Variants in ZNF76 observed in about 807,000 individuals in gnomAD.
ZNF76 encodes zinc finger protein 76, also known as zinc finger protein 523.
A neutral mutation model predicts 66.9 loss-of-function variants in ZNF76; 66 were observed. The ratio of observed to expected loss-of-function variants is 0.99; its 90% CI spans 0.81 to 1.21. ZNF76 has a LOEUF of 1.21. Among genes scored for constraint, ZNF76 ranks in the 50% most tolerant of loss-of-function variants. The pLI, the probability that ZNF76 is intolerant of heterozygous loss-of-function variation, is 0.00. For synonymous variants in ZNF76, 275 were observed against 296.1 expected (o/e 0.93, Z 0.73); for missense variants, 729 against 760.3 (o/e 0.96, Z 0.48).
intron 1 of ZNF76, among the ~76,000 whole-genome samples, chr6:35,272,469 C>CTGTGTG (rs58456911): frequency 1.4e-3 from 214 of 149,638 alleles, no homozygotes; most frequent in East Asian, 9.1e-3. Context: ...GACCCTGTTT[C>CTGTGTG]TGTGTGTGTG....
Position 35,292,483 on chromosome 6 carries a change from T to C in ZNF76, c.932-71T>C. Reference sequence around the variant, plus strand: ...GCTCTCCCTTCACCAACCCTGTCCCTCACCCCTGTCCCCTTAGTTTCCCCC... The same window carrying C: ...GCTCTCCCTTCACCAACCCTGTCCCCCACCCCTGTCCCCTTAGTTTCCCCC... On this transcript the variant is annotated intron_variant, in intron 9 of 13. Transcript: ENST00000373953. The surrounding 1 kb of genome is among the most constrained non-coding windows in gnomAD (Gnocchi z 4.7). 8 of 1,538,442 alleles carry C rather than the reference T, an allele frequency of 5.2e-6. No homozygotes were observed. The highest frequency in any genetic ancestry group is 7.1e-6 in the Non-Finnish European group (8 of 1,121,844).
At chr6:35,269,462 G>T (rs1373776943) in intron 1 of ZNF76, among the ~76,000 whole-genome samples, 1 of 151,850 alleles carries the variant, frequency 6.6e-6, no homozygotes, top group Non-Finnish European at 1.5e-5. Flanking sequence ...CCTTAGAGCT[G>T]GCCCTCTGGT....
chr6:35,290,763 G>T, intron 7 of ZNF76, 47 bp downstream of exon 7: 1 of 1,580,108 alleles, frequency 6.3e-7, no homozygotes, highest in Non-Finnish European at 8.7e-7. Context: ...GAGGGTTCTC[G>T]TTCTGTTTGG....
intron 1 of ZNF76, among the ~76,000 whole-genome samples, chr6:35,277,656 A>G (rs1404784246): frequency 6.6e-6 from 1 of 152,228 alleles, no homozygotes; most frequent in Admixed American, 6.5e-5. Context: ...TTAGAACTAA[A>G]TGAGTTAATG....
Position 35,295,190 on chromosome 6 carries a change from C to G in ZNF76, c.1655C>G (p.Ala552Gly). Residue 552 changes from alanine to glycine, a missense_variant, in exon 14 of 14, where the codon GCG (alanine) becomes GGG (glycine). By Grantham distance (60) the Ala-to-Gly change is moderately conservative (BLOSUM62 0). Coordinates refer to ENST00000373953, the MANE Select transcript of ZNF76 (RefSeq NM_003427.5). The stretch of plus-strand genomic sequence containing the variant: ...GAGGAGGCCATCAATGTGGCCACTG[C>G]GGCCATGCAGCAAGGGGCTGTGACC... ...TLEEAINVAT[A>G]AMQQGAVTLE... is the part of the protein sequence containing the mutation. The G allele has an allele frequency of 1.9e-6, 3 of 1,612,264 alleles. No homozygotes were observed. The highest frequency in any genetic ancestry group is 2.5e-6 in the Non-Finnish European group (3 of 1,179,222).
At chr6:35,283,004 T>C (rs898502434) in intron 2 of ZNF76, among the ~76,000 whole-genome samples, 2 of 152,182 alleles carry the variant, frequency 1.3e-5, no homozygotes, top group African/African-American at 4.8e-5. Context: ...TCCAGTGCAG[T>C]CTCCATGGGA....
At chr6:35,286,711 C>A in intron 4 of ZNF76, 1 of 443,160 alleles carries the variant, frequency 2.3e-6, no homozygotes, top group South Asian at 3.0e-5. Flanking sequence ...TCATCCAAGA[C>A]CAGGAAAAAA....
chr6:35,278,167 T>C (rs760807349), intron 1 of ZNF76, among the ~76,000 whole-genome samples: 5 of 152,118 alleles, frequency 3.3e-5, no homozygotes, highest in Non-Finnish European at 7.4e-5. Context: ...GTTTTTGTTT[T>C]GTTTTTTTCT....
chr6:35,290,760 C>G, intron 7 of ZNF76, 44 bp downstream of exon 7: 1 of 1,598,948 alleles, frequency 6.3e-7, no homozygotes, highest in Non-Finnish European at 8.6e-7. Context: ...GTGGAGGGTT[C>G]TCGTTCTGTT....
chr6:35,290,581 AC>A, intron 6 of ZNF76, 59 bp from the exon 7 acceptor site: 1 of 1,598,270 alleles, frequency 6.3e-7, no homozygotes, highest in South Asian at 1.1e-5. Flanking sequence ...CCTAAAGAAA[AC>A]CAAAGAGCCC....
rs58456911 is a variant in ZNF76, at chr6:35,272,469, CTGTGTGTGTGTGTGTG to C, written c.-96-8559_-96-8544del. Among the ~76,000 whole-genome samples, 1,275 of 149,640 alleles carry C rather than the reference CTGTGTGTGTGTGTGTG, an allele frequency of 8.5e-3. 10 individuals are homozygous for C. The highest frequency in any genetic ancestry group is 0.025 in the African/African-American group (1,000 of 40,332). On this transcript the variant is annotated intron_variant, in intron 1 of 13. Transcript: ENST00000373953. ...TGGGTGACAGAGCAAGACCCTGTTT[CTGTGTGTGTGTGTGTG>C]TGTGTGTGTGTGTGTGTGTGTGTGT...
chr6:35,266,154 C>G (rs1430542525), intron 1 of ZNF76, among the ~76,000 whole-genome samples: 1 of 104,994 alleles, frequency 9.5e-6, no homozygotes, highest in Admixed American at 1.2e-4. Context: ...TTGAGGGTGG[C>G]TACAATTTTT....
chr6:35,264,739 C>T (rs528464580), intron 1 of ZNF76, among the ~76,000 whole-genome samples: 1 of 152,216 alleles, frequency 6.6e-6, no homozygotes, highest in African/African-American at 2.4e-5. Flanking sequence ...CTGACCTCTT[C>T]TGTTTGTGAG....
intron 6 of ZNF76, 126 bp from the exon 7 acceptor site, chr6:35,290,515 G>A (rs1790227290): frequency 3.3e-6 from 5 of 1,523,026 alleles, no homozygotes; most frequent in Middle Eastern, 1.7e-4. Context: ...ACACAGGAAT[G>A]CCAGCACAGA....
intron 5 of ZNF76, among the ~76,000 whole-genome samples, chr6:35,288,895 G>A (rs1244605949): frequency 1.4e-5 from 2 of 146,010 alleles, no homozygotes. Context: ...TGACTGCAAT[G>A]AGCTGAGATT....
Position 35,292,631 on chromosome 6 carries a change from G to T in ZNF76, c.1009G>T (p.Val337Leu). Reference sequence around the variant, plus strand: ...GTACTCGAGCTTGTATAAGCACCACGTGGTGCACACACACTGCAAGCCCTA... The same window carrying T: ...GTACTCGAGCTTGTATAAGCACCACTTGGTGCACACACACTGCAAGCCCTA... The part of the protein sequence containing the change: ...TEYSSLYKHH[V>L]VHTHCKPYTC... Residue 337 changes from valine (V) to leucine (L), a missense_variant, in exon 10 of 14, where the codon GTG becomes TTG. By Grantham distance (32) the Val-to-Leu change is conservative. Transcript: ENST00000373953. This position sits in a 1 kb window ranked among gnomAD's most constrained non-coding sequence, Gnocchi z 4.7. 1 of 1,614,064 alleles carries T rather than the reference G, an allele frequency of 6.2e-7. No individual in the cohort carries two copies. Among genetic ancestry groups the T allele is most frequent in the Non-Finnish European group, 8.5e-7 (1 of 1,180,022 alleles).
intron 2 of ZNF76, among the ~76,000 whole-genome samples, chr6:35,284,814 A>T (rs533653000): frequency 8.0e-4 from 122 of 151,706 alleles, no homozygotes; most frequent in African/African-American, 2.8e-3. Context: ...GGGCTCAAGC[A>T]ATCCTCCCAC....
intron 7 of ZNF76, 43 bp from the exon 8 acceptor site, chr6:35,291,235 C>T (rs1000731354): frequency 6.4e-7 from 1 of 1,571,394 alleles, no homozygotes; most frequent in Non-Finnish European, 8.6e-7. Flanking sequence ...GATGAGACCC[C>T]ACTGGGTGCT....
chr6:35,292,343 G>C lies in ZNF76; in HGVS notation c.932-211G>C, dbSNP rs1468648979. ...TTGCCCTGTCCCCCGTTTCCTTTCC[G>C]CCTTGTCTCTGGATTCAGTGGTTCA... On this transcript the variant is annotated intron_variant, in intron 9 of 13. Coordinates refer to ENST00000373953, the MANE Select transcript of ZNF76 (RefSeq NM_003427.5). This position sits in a 1 kb window ranked among gnomAD's most constrained non-coding sequence, Gnocchi z 4.7. 7.0e-6 allele frequency: 4 copies of C among 567,782 alleles called. No individual in the cohort carries two copies. Among genetic ancestry groups the C allele is most frequent in the East Asian group, 3.0e-5 (1 of 33,258 alleles). The allele number at this position is 567,782 out of a possible 1,614,324, so 35.2% of individuals were successfully genotyped here. A position where few individuals can be genotyped will look rare whatever the true frequency, so the allele number is the denominator to read the frequency against.
Sources: allele counts gnomAD v4.1 joint callset (sites outside exome capture counted in the v4.1 genomes callset), GRCh38; gene constraint gnomAD v4.1.1; non-coding constraint Gnocchi (gnomAD v3.1); transcripts MANE v1.5; gene names NCBI Gene and HGNC (gene_info 2026-07-23, HGNC 2026-07-21).